Variants in DYSF observed in about 807,000 individuals in gnomAD.
The protein encoded by DYSF is dystrophy-associated fer-1-like 1.
DYSF carries 212 observed loss-of-function variants against 274.9 expected under a neutral mutation model. The ratio of observed to expected loss-of-function variants is 0.77; its 90% CI spans 0.69 to 0.86. The LOEUF (loss-of-function observed/expected upper bound fraction) is 0.86. Ranked by LOEUF, DYSF falls within the 40% of genes least tolerant of loss-of-function variation. DYSF has a pLI of 0.00. For missense variants in DYSF, 2,666 were observed against 2,783.2 expected, an observed-to-expected ratio of 0.96 and a Z score of 0.95; for synonymous variants, 1,091 against 1,078.7, an observed-to-expected ratio of 1.01 and a Z score of -0.22.
chr2:71,648,483 G>A (rs769463307), intron 42 of DYSF, among the ~76,000 whole-genome samples: 2 of 152,104 alleles, frequency 1.3e-5, no homozygotes, highest in Non-Finnish European at 2.9e-5. Context: ...ATAGACGTCA[G>A]GGAAAGGAAA....
intron 32 of DYSF, among the ~76,000 whole-genome samples, chr2:71,591,549 A>G (rs568445057): frequency 2.0e-5 from 3 of 152,394 alleles, no homozygotes; most frequent in South Asian, 4.1e-4. Context: ...TAGGTGGTCA[A>G]CATCCCCATT....
rs749888904 is a variant in DYSF at position 71,664,258 on chromosome 2, C to T, written c.5004-10C>T. The T allele has an allele frequency of 1.2e-6, 2 of 1,613,916 alleles. No individual in the cohort carries two copies. Among genetic ancestry groups the T allele is most frequent in the Non-Finnish European group, 1.7e-6 (2 of 1,179,890 alleles). On this transcript the variant is annotated splice_polypyrimidine_tract_variant and intron_variant, in intron 45 of 55. Coordinates refer to ENST00000410020, the MANE Select transcript of DYSF (RefSeq NM_001130987.2). Reference sequence around the variant, plus strand: ...TGTTGGCTGACATCGGGAATCTGCCCCTCCTGCAGGATGTTCGAGCTGACC... The same window carrying T: ...TGTTGGCTGACATCGGGAATCTGCCTCTCCTGCAGGATGTTCGAGCTGACC...
At chr2:71,645,644 C>T (rs2094555906) in intron 42 of DYSF, among the ~76,000 whole-genome samples, 1 of 76 alleles carries the variant, frequency 0.013, no homozygotes, top group Non-Finnish European at 0.023. Flanking sequence ...CTCCCTAGGC[C>T]TGTGGCACAG....
chr2:71,571,643 GAGATCACACAC>G (rs2092464348), intron 29 of DYSF, among the ~76,000 whole-genome samples: 1 of 84,434 alleles, frequency 1.2e-5, no homozygotes, highest in Non-Finnish European at 2.2e-5. Context: ...AGCACATGCA[GAGATCACACAC>G]AGATCACACC....
upstream of DYSF, among the ~76,000 whole-genome samples, chr2:71,463,415 C>A (rs763720695): frequency 1.3e-5 from 2 of 152,188 alleles, no homozygotes; most frequent in African/African-American, 4.8e-5. Flanking sequence ...GGGCCGCAGC[C>A]AAACGGCTGC....
intron 45 of DYSF, among the ~76,000 whole-genome samples, chr2:71,663,530 C>T (rs2152949541): frequency 6.6e-6 from 1 of 152,358 alleles, no homozygotes; most frequent in Non-Finnish European, 1.5e-5. Flanking sequence ...AATGTGGCCC[C>T]TGCCCTCCTT....
intron 1 of DYSF, among the ~76,000 whole-genome samples, chr2:71,457,182 G>A (rs1255325757): frequency 6.6e-6 from 1 of 152,144 alleles, no homozygotes; most frequent in African/African-American, 2.4e-5. Context: ...GTTCTAACTA[G>A]AACATTAATA....
chr2:71,673,499 G>A (rs1179456281), intron 51 of DYSF, among the ~76,000 whole-genome samples: 2 of 152,192 alleles, frequency 1.3e-5, no homozygotes, highest in Admixed American at 1.3e-4. Context: ...GTGAAGTTGG[G>A]TGGGGTGGAG....
At chr2:71,517,743 T>A (rs1048756503) in intron 10 of DYSF, among the ~76,000 whole-genome samples, 1 of 152,194 alleles carries the variant, frequency 6.6e-6, no homozygotes, top group Non-Finnish European at 1.5e-5. Flanking sequence ...GTCCTGAGAA[T>A]GATATTTGTA....
upstream of DYSF, among the ~76,000 whole-genome samples, chr2:71,466,033 C>T (rs1022641391): frequency 1.3e-5 from 2 of 152,164 alleles, no homozygotes; most frequent in Non-Finnish European, 2.9e-5. Flanking sequence ...AGATGAGTGA[C>T]TCGACACCGC....
Position 71,526,518 on chromosome 2 carries a change from A to G in DYSF, c.1276+172A>G, listed in dbSNP as rs116505531. ...GTGCTGGTGGAGTTACAAAGATTCA[A>G]GAACTCTTGAGAGTAATAGCTGCCT... On this transcript the variant is annotated intron_variant, in intron 13 of 55. Transcript: ENST00000410020. Among the ~76,000 whole-genome samples, 3,241 of 152,376 alleles carry G rather than the reference A, an allele frequency of 0.021. 47 individuals are homozygous for G. Among genetic ancestry groups the G allele is most frequent in the Admixed American group, 0.024 (372 of 15,314 alleles).
chr2:71,491,467 T>C (rs1028643407), intron 3 of DYSF, among the ~76,000 whole-genome samples: 3 of 152,234 alleles, frequency 2.0e-5, no homozygotes, highest in African/African-American at 4.8e-5. Flanking sequence ...CTTACATAGG[T>C]AAACTTGTGT....
intron 30 of DYSF, among the ~76,000 whole-genome samples, chr2:71,581,631 G>A (rs2152832949): frequency 6.6e-6 from 1 of 152,322 alleles, no homozygotes; most frequent in East Asian, 1.9e-4. Context: ...GGGGTAGTAG[G>A]AGCCTGGGAA....
intron 1 of DYSF, among the ~76,000 whole-genome samples, chr2:71,475,928 A>C (rs2082360964): frequency 6.6e-6 from 1 of 151,976 alleles, no homozygotes. Context: ...GCACCACTAC[A>C]CCTGGCTAAT....
At chr2:71,509,190 G>T (rs535148268) in intron 4 of DYSF, among the ~76,000 whole-genome samples, 1 of 151,186 alleles carries the variant, frequency 6.6e-6, no homozygotes, top group East Asian at 2.0e-4. Flanking sequence ...TTTGAGACTG[G>T]TCTCATTCTG....
Position 71,664,422 on chromosome 2 carries a change from C to G in DYSF, c.5158C>G (p.Pro1720Ala), listed in dbSNP as rs753176482. Residue 1720 changes from proline to alanine, a missense_variant, in exon 46 of 56, where the codon CCA (proline) becomes GCA (alanine). This residue lies in a region of DYSF where 1,460 missense variants were observed against 1,502.1 expected (regional missense o/e 0.97). Transcript: ENST00000410020. ...CAAGTTTGGGGCTCGCTGTGGACTC[C>G]CACAGACCTACTGTGTGTACGTGGA... ...LSKFGARCGL[P>A]QTYCVSGPNQ... 73 of 1,614,116 alleles carry G rather than the reference C, an allele frequency of 4.5e-5. 1 individual carries two copies. In the South Asian group the frequency reaches 7.6e-4, roughly 17 times the overall value.
At chr2:71,587,156 G>C (rs575224144) in intron 30 of DYSF, among the ~76,000 whole-genome samples, 1 of 152,354 alleles carries the variant, frequency 6.6e-6, no homozygotes, top group East Asian at 1.9e-4. Context: ...TGCAGCCAGG[G>C]GGGTGTTCTG....
intron 30 of DYSF, chr2:71,588,606 G>A (rs1474787949): frequency 3.9e-5 from 6 of 152,406 alleles, no homozygotes; most frequent in Non-Finnish European, 7.3e-5. Flanking sequence ...TGAGGAAGAG[G>A]CCAGGGTTTT....
chr2:71,663,204 G>T (rs2094933500), intron 45 of DYSF, among the ~76,000 whole-genome samples: 1 of 152,162 alleles, frequency 6.6e-6, no homozygotes, highest in African/African-American at 2.4e-5. Flanking sequence ...TGTCATCCGG[G>T]TACTCTCTGG....
Sources: gnomAD v4.1 joint callset for allele counts (sites outside exome capture counted in the v4.1 genomes callset) on GRCh38, gnomAD v4.1.1 for gene constraint, gnomAD v4.1.1 regional missense constraint, MANE v1.5 for transcripts, NCBI Gene and HGNC (gene_info 2026-07-23, HGNC 2026-07-21) for gene names.